SGCZ: variants seen among roughly 807,000 people sequenced by gnomAD.
The protein encoded by SGCZ is sarcoglycan zeta.
Under a neutral mutation model 41.3 loss-of-function variants are expected in SGCZ, and 40 were observed. The observed-to-expected ratio is 0.97, with a 90% CI of 0.75 to 1.26. The LOEUF is 1.26. Among genes scored for constraint, SGCZ ranks in the 50% most tolerant of loss-of-function variants. SGCZ has a pLI of 0.00. For missense variants in SGCZ, 552 were observed against 369.8 expected, an observed-to-expected ratio of 1.49 and a Z score of -4.04; for synonymous variants, 206 against 137.5, an observed-to-expected ratio of 1.50 and a Z score of -3.49.
intron 2 of SGCZ, among the ~76,000 whole-genome samples, chr8:14,499,230 G>T (rs1001899898): frequency 6.6e-6 from 1 of 151,838 alleles, no homozygotes. Flanking sequence ...ATATATGCAA[G>T]TTCTACTTCA....
chr8:15,019,886 T>A (rs541179308), intron 1 of SGCZ, among the ~76,000 whole-genome samples: 1 of 149,796 alleles, frequency 6.7e-6, no homozygotes, highest in Non-Finnish European at 1.5e-5. Context: ...GTTTTCTGGG[T>A]ATTCAAGTAG....
At chr8:14,140,236 G>A (rs1479367055) in intron 5 of SGCZ, among the ~76,000 whole-genome samples, 1 of 152,036 alleles carries the variant, frequency 6.6e-6, no homozygotes, top group Admixed American at 6.6e-5. Flanking sequence ...GCAAAAACTG[G>A]AAGCATTCCC....
intron 1 of SGCZ, among the ~76,000 whole-genome samples, chr8:14,819,332 C>T (rs1802002694): frequency 6.6e-6 from 1 of 151,994 alleles, no homozygotes; most frequent in Admixed American, 6.6e-5. Flanking sequence ...CCTTCATTTA[C>T]GACGGACAGT....
At chr8:15,041,767 G>A (rs182105435) in intron 1 of SGCZ, among the ~76,000 whole-genome samples, 1 of 136,110 alleles carries the variant, frequency 7.3e-6, no homozygotes, top group Non-Finnish European at 1.7e-5. Context: ...ATTCTTATAT[G>A]GGGAACAAAA....
At chr8:14,352,235 T>C (rs1288026512) in intron 2 of SGCZ, among the ~76,000 whole-genome samples, 1 of 151,942 alleles carries the variant, frequency 6.6e-6, no homozygotes, top group African/African-American at 2.4e-5. Flanking sequence ...CTGAAGCTAA[T>C]TGTTAGATCT....
intron 1 of SGCZ, among the ~76,000 whole-genome samples, chr8:14,674,451 G>A: frequency 6.6e-6 from 1 of 152,134 alleles, no homozygotes; most frequent in East Asian, 1.9e-4. Context: ...AGCATATTAT[G>A]TTGAACTGAT....
At chr8:14,911,387 A>G (rs114079875) in intron 1 of SGCZ, among the ~76,000 whole-genome samples, 184 of 152,176 alleles carry the variant, frequency 1.2e-3, no homozygotes, top group African/African-American at 4.2e-3. Flanking sequence ...GACAGCATCA[A>G]AAGAAATCTA....
chr8:15,045,360 G>A (rs746496584), intron 1 of SGCZ, among the ~76,000 whole-genome samples: 1 of 151,984 alleles, frequency 6.6e-6, no homozygotes, highest in Non-Finnish European at 1.5e-5. Context: ...TTATCCAGTG[G>A]TAAAGCAATT....
chr8:14,513,925 T>C (rs1563378325), intron 2 of SGCZ, among the ~76,000 whole-genome samples: 1 of 152,180 alleles, frequency 6.6e-6, no homozygotes, highest in South Asian at 2.1e-4. Context: ...TCTTTAATGG[T>C]CTTGAAAGAC....
intron 2 of SGCZ, among the ~76,000 whole-genome samples, chr8:14,408,950 A>AGTGTGTGTGTGTGTGTGTGTGTGT (rs36121697): frequency 7.9e-5 from 10 of 126,432 alleles, no homozygotes; most frequent in African/African-American, 2.5e-4. Flanking sequence ...TTAAATTAAG[A>AGTGTGTGTGTGTGTGTGTGTGTGT]GAGTGTGTGT....
intron 1 of SGCZ, among the ~76,000 whole-genome samples, chr8:14,586,242 C>T (rs1372644808): frequency 1.3e-5 from 2 of 152,094 alleles, no homozygotes; most frequent in Non-Finnish European, 2.9e-5. Context: ...CCCTCAGAGT[C>T]TCACTCTGTC....
At chr8:14,718,752 G>A (rs1809780580) in intron 1 of SGCZ, among the ~76,000 whole-genome samples, 1 of 151,480 alleles carries the variant, frequency 6.6e-6, no homozygotes, top group Non-Finnish European at 1.5e-5. Context: ...TTTTATTAAT[G>A]AAGCAATGGA....
intron 1 of SGCZ, among the ~76,000 whole-genome samples, chr8:14,929,338 C>T (rs1406699366): frequency 4.6e-5 from 7 of 152,114 alleles, no homozygotes; most frequent in Non-Finnish European, 8.8e-5. Context: ...CTCTGTGCTG[C>T]TATATAAAGT....
chr8:14,843,688 T>TA (rs143795007), intron 1 of SGCZ, among the ~76,000 whole-genome samples: 14,906 of 152,090 alleles, frequency 0.098, 786 homozygotes, highest in Admixed American at 0.13. Context: ...GGATATGATC[T>TA]AAAAAAATTG....
chr8:14,703,801 T>A (rs1325982452), intron 1 of SGCZ, among the ~76,000 whole-genome samples: 1 of 151,966 alleles, frequency 6.6e-6, no homozygotes. Flanking sequence ...GGCTTTTAGT[T>A]ATTAATCTGA....
chr8:14,862,581 T>TATATATATATAC (rs775585451), intron 1 of SGCZ, among the ~76,000 whole-genome samples: 1 of 96,946 alleles, frequency 1.0e-5, no homozygotes, highest in Non-Finnish European at 2.1e-5. Flanking sequence ...TATATATATA[T>TATATATATATAC]ACACACACAA....
intron 1 of SGCZ, among the ~76,000 whole-genome samples, chr8:15,044,462 A>C (rs2130983250): frequency 6.6e-6 from 1 of 152,268 alleles, no homozygotes; most frequent in East Asian, 1.9e-4. Context: ...TATTTCACTT[A>C]CGAATAGATG....
chr8:14,258,047 T>G lies in SGCZ; in HGVS notation c.337-20368A>C, dbSNP rs1799526885. 2.0e-5 allele frequency among the ~76,000 whole-genome samples: 3 copies of G among 152,288 alleles called. No homozygotes were observed. In the South Asian group the frequency reaches 6.2e-4, roughly 32 times the overall value. On this transcript the variant is annotated intron_variant, in intron 3 of 7. Transcript: ENST00000382080. ...TAAGAACCTTGCGTGACATTTTGATTGAACTTGGACTTTTAATTACAACTA... is the reference window on the plus strand; with the variant it reads ...TAAGAACCTTGCGTGACATTTTGATGGAACTTGGACTTTTAATTACAACTA...
chr8:14,501,611 G>GTTTT (rs34304255), intron 2 of SGCZ, among the ~76,000 whole-genome samples: 2 of 143,728 alleles, frequency 1.4e-5, no homozygotes, highest in Non-Finnish European at 3.0e-5. Flanking sequence ...AGTTATCCAG[G>GTTTT]TTTTTTTTTT....
Sources: allele counts gnomAD v4.1 joint callset (sites outside exome capture counted in the v4.1 genomes callset), GRCh38; gene constraint gnomAD v4.1.1; transcripts MANE v1.5; gene names NCBI Gene and HGNC (gene_info 2026-07-23, HGNC 2026-07-21).